Variants in DNAH5 observed in about 807,000 individuals in gnomAD.
The protein encoded by DNAH5 is dynein axonemal heavy chain 5.
Under a neutral mutation model 518.2 loss-of-function variants are expected in DNAH5, and 372 were observed. The observed-to-expected ratio is 0.72, with a 90% confidence interval of 0.66 to 0.78. The LOEUF is 0.78. DNAH5 is among the 30% of genes least tolerant of loss of function. DNAH5 has a pLI of 0.00. For missense variants in DNAH5, 5,523 were observed against 5,687.0 expected (o/e 0.97, Z 0.93); for synonymous variants, 2,039 against 2,025.9 (o/e 1.01, Z -0.17).
At chr5:13,966,350 T>C (rs1781531051) in intron 1 of DNAH5, among the ~76,000 whole-genome samples, 1 of 152,236 alleles carries the variant, frequency 6.6e-6, no homozygotes, top group Admixed American at 6.5e-5. Context: ...TCTCGTATAA[T>C]GACTTCTTTT....
intron 1 of DNAH5, among the ~76,000 whole-genome samples, chr5:13,959,537 A>G (rs1781009009): frequency 1.3e-5 from 2 of 152,202 alleles, no homozygotes; most frequent in Admixed American, 1.3e-4. Context: ...AGCGCCCAGG[A>G]CAGTGGGGTC....
At chr5:13,718,067 CCCA>C (rs1328541343) in intron 72 of DNAH5, among the ~76,000 whole-genome samples, 1 of 151,444 alleles carries the variant, frequency 6.6e-6, no homozygotes, top group Non-Finnish European at 1.5e-5. Flanking sequence ...CTCTTTTATC[CCCA>C]CATTATCTTA....
In DNAH5 at chr5:13,885,246, A is replaced by G; in HGVS notation, c.2744-18T>C. On this transcript the variant is annotated intron_variant, in intron 18 of 78. Transcript: ENST00000265104. Reference sequence around the variant, plus strand: ...TCTTTTTGCTGTTACAAGATGAAAGAGATAGAGATAGAGATAAGTTAGATG... The same window carrying G: ...TCTTTTTGCTGTTACAAGATGAAAGGGATAGAGATAGAGATAAGTTAGATG... 1 of 1,613,198 alleles carries G rather than the reference A, an allele frequency of 6.2e-7. No homozygotes were observed. Among genetic ancestry groups the G allele is most frequent in the South Asian group, 1.1e-5 (1 of 90,782 alleles).
rs561447776 is a variant in DNAH5, at chr5:13,800,688, T to G, written c.7888-6630A>C. 3.3e-5 allele frequency among the ~76,000 whole-genome samples: 5 copies of G among 152,308 alleles called. No individual in the cohort carries two copies. The East Asian group carries it at 5.8e-4, about 18-fold the overall frequency. On this transcript the variant is annotated intron_variant, in intron 47 of 78. Transcript: ENST00000265104. Reference sequence around the variant, plus strand: ...TACACAATGGCTATATTGCATGATTTGTAATTTTACCTAGAATTTTTTTGT... The same window carrying G: ...TACACAATGGCTATATTGCATGATTGGTAATTTTACCTAGAATTTTTTTGT...
chr5:13,720,862 A>T (rs955389212), intron 71 of DNAH5, 138 bp downstream of exon 71: 63 of 1,042,222 alleles, frequency 6.0e-5, no homozygotes, highest in South Asian at 6.0e-4. Context: ...GCTTAAATTT[A>T]AAAAAAAAAC....
At chr5:13,995,404 G>C (rs1432980445) in intron 1 of DNAH5, among the ~76,000 whole-genome samples, 1 of 151,904 alleles carries the variant, frequency 6.6e-6, no homozygotes, top group African/African-American at 2.4e-5. Flanking sequence ...TCCTTCCATT[G>C]CACGAGCTTC....
At chr5:13,970,484 C>T (rs1200813067) in intron 1 of DNAH5, among the ~76,000 whole-genome samples, 1 of 149,888 alleles carries the variant, frequency 6.7e-6, no homozygotes, top group Non-Finnish European at 1.5e-5. Flanking sequence ...GTAGTGCTGG[C>T]TTGATAGTGG....
Position 13,795,176 on chromosome 5 carries a change from C to T in DNAH5, c.7888-1118G>A, listed in dbSNP as rs192581057. On this transcript the variant is annotated intron_variant, in intron 47 of 78. Coordinates refer to ENST00000265104, the MANE Select transcript of DNAH5 (RefSeq NM_001369.3). Reference sequence around the variant, plus strand: ...AAGAGCAAACAAATTCAAAAGCTAGCAGAAGGCAAGAAATAACTAAGATCA... The same window carrying T: ...AAGAGCAAACAAATTCAAAAGCTAGTAGAAGGCAAGAAATAACTAAGATCA... Among the ~76,000 whole-genome samples, 246 of 152,156 alleles carry T rather than the reference C, an allele frequency of 1.6e-3. 2 individuals are homozygous for T. The highest frequency in any genetic ancestry group is 5.8e-3 in the African/African-American group (240 of 41,514).
intron 22 of DNAH5, among the ~76,000 whole-genome samples, chr5:13,873,479 AT>A (rs1218052042): frequency 1.3e-5 from 2 of 151,972 alleles, no homozygotes; most frequent in African/African-American, 4.8e-5. Flanking sequence ...AAACAGGACG[AT>A]TTTCAGGAAC....
At chr5:13,914,036 C>A (rs1776355898) in intron 10 of DNAH5, 78 bp from the exon 11 acceptor site, 9 of 1,517,760 alleles carry the variant, frequency 5.9e-6, no homozygotes, top group Non-Finnish European at 8.0e-6. Flanking sequence ...AAGGCGACAG[C>A]AAAATTAGGA....
chr5:13,990,785 T>C (rs1783487520), intron 1 of DNAH5, among the ~76,000 whole-genome samples: 1 of 151,850 alleles, frequency 6.6e-6, no homozygotes. Flanking sequence ...GAGAATCACT[T>C]GAACCTGGGA....
intron 1 of DNAH5, among the ~76,000 whole-genome samples, chr5:13,963,210 A>T (rs1781301245): frequency 6.6e-6 from 1 of 152,184 alleles, no homozygotes; most frequent in African/African-American, 2.4e-5. Flanking sequence ...ACAACTCTCT[A>T]AAAACAAAAA....
chr5:13,728,517 C>T (rs1189449680), intron 69 of DNAH5, among the ~76,000 whole-genome samples: 8 of 152,160 alleles, frequency 5.3e-5, no homozygotes, highest in African/African-American at 1.9e-4. Context: ...AAGATATCAT[C>T]TCCAGAAGGT....
intron 26 of DNAH5, 34 bp downstream of exon 26, chr5:13,866,186 T>C (rs746915020): frequency 4.4e-5 from 71 of 1,596,644 alleles, no homozygotes; most frequent in Non-Finnish European, 5.6e-5. Context: ...CAAAGTTTCA[T>C]TGTTTAGAAA....
In DNAH5 at chr5:13,836,558, C is replaced by T. The variant is rs533025040; in HGVS notation, c.5882+2798G>A. ...TCAACTGCTCCCATGCAGCTGATTG[C>T]TCAAGAAAGACGAGATCCAGGAAAA... is the stretch of plus-strand genomic sequence containing the variant. On this transcript the variant is annotated intron_variant, in intron 35 of 78. Coordinates refer to ENST00000265104, the MANE Select transcript of DNAH5 (RefSeq NM_001369.3). 5.9e-4 allele frequency among the ~76,000 whole-genome samples: 90 copies of T among 152,262 alleles called. 1 individual carries two copies. Among genetic ancestry groups the T allele is most frequent in the African/African-American group, 2.1e-3 (89 of 41,550 alleles).
chr5:13,727,357 T>C (rs952291262), intron 70 of DNAH5, 150 bp downstream of exon 70: 12 of 772,000 alleles, frequency 1.6e-5, no homozygotes, highest in Admixed American at 5.9e-5. Flanking sequence ...TGTTTACTTT[T>C]CCATTTTTCA....
intron 12 of DNAH5, among the ~76,000 whole-genome samples, chr5:13,910,495 A>C (rs1775854058): frequency 6.6e-6 from 1 of 152,194 alleles, no homozygotes; most frequent in African/African-American, 2.4e-5. Context: ...GAAGTGCACA[A>C]ATTTAATGCA....
intron 1 of DNAH5, among the ~76,000 whole-genome samples, chr5:14,009,107 G>A (rs548393085): frequency 1.6e-4 from 24 of 152,350 alleles, no homozygotes; most frequent in African/African-American, 5.8e-4. Context: ...AGTAATGAGT[G>A]AGCAGTTGCT....
At chr5:13,972,771 T>C (rs1032876908) in intron 1 of DNAH5, among the ~76,000 whole-genome samples, 1 of 152,148 alleles carries the variant, frequency 6.6e-6, no homozygotes, top group African/African-American at 2.4e-5. Context: ...CCTGCAGTAG[T>C]TCTTGGAGCA....
Sources: gnomAD v4.1 joint callset for allele counts (sites outside exome capture counted in the v4.1 genomes callset) on GRCh38, gnomAD v4.1.1 for gene constraint, MANE v1.5 for transcripts, NCBI Gene and HGNC (gene_info 2026-07-23, HGNC 2026-07-21) for gene names.